Variants in ZNF675 observed in about 807,000 individuals in gnomAD.
ZNF675 encodes zinc finger protein 675.
ZNF675 carries 36 observed loss-of-function variants against 56.1 expected under a neutral mutation model. The observed-to-expected ratio is 0.64, with a 90% confidence interval of 0.49 to 0.85. The LOEUF is 0.85. Ranked by LOEUF, ZNF675 falls within the 40% of genes least tolerant of loss-of-function variation. ZNF675 has a pLI of 0.00. For synonymous variants in ZNF675, 200 were observed against 218.9 expected (o/e 0.91, Z 0.76); for missense variants, 663 against 654.2 (o/e 1.01, Z -0.15).
At chr19:23,668,602 G>C (rs1968186949) in intron 1 of ZNF675, among the ~76,000 whole-genome samples, 1 of 152,222 alleles carries the variant, frequency 6.6e-6, no homozygotes, top group African/African-American at 2.4e-5. Flanking sequence ...GGGAGGATAG[G>C]GCTGCACAGG....
At chr19:23,655,658 A>G (rs894928300) in intron 3 of ZNF675, 2 of 152,158 alleles carry the variant, frequency 1.3e-5, no homozygotes, top group African/African-American at 4.8e-5. Flanking sequence ...TGATGATTAC[A>G]TTGCAATATG....
At position 23,684,644 on chromosome 19, in the gene ZNF675, C is replaced by CA. The variant is rs35113707; in HGVS notation, c.3+2386dup. 8.0e-4 allele frequency among the ~76,000 whole-genome samples: 117 copies of CA among 145,630 alleles called. 5 individuals carry two copies. The highest frequency in any genetic ancestry group is 4.0e-4 in the East Asian group (2 of 4,968). On this transcript the variant is annotated intron_variant, in intron 1 of 3. Coordinates refer to ENST00000359788, the MANE Select transcript of ZNF675 (RefSeq NM_138330.3). ...GGGCAACAAGAGTGAAACCCCATCT[C>CA]AAAAAAAAAAGAAAACAGGTGTGTC...
chr19:23,660,588 A>G (rs535832179), intron 3 of ZNF675, among the ~76,000 whole-genome samples: 79 of 152,320 alleles, frequency 5.2e-4, no homozygotes, highest in African/African-American at 1.8e-3. Context: ...TAGAGAAAAA[A>G]ACTTATTTAC....
intron 1 of ZNF675, among the ~76,000 whole-genome samples, chr19:23,666,822 CA>C (rs1218910679): frequency 6.6e-6 from 1 of 151,482 alleles, no homozygotes; most frequent in Non-Finnish European, 1.5e-5. Flanking sequence ...CCCCCCAACC[CA>C]GGGCCACTTT....
At chr19:23,656,793 CAT>C (rs1441180992) in intron 3 of ZNF675, 7 of 151,744 alleles carry the variant, frequency 4.6e-5, no homozygotes, top group East Asian at 1.9e-4. Context: ...TAGTCACACT[CAT>C]AGAAAGTGCA....
chr19:23,653,770 T>C lies in ZNF675; in HGVS notation c.1163A>G (p.Lys388Arg). The C allele has an allele frequency of 1.9e-6, 3 of 1,613,824 alleles. No homozygotes were observed. Among genetic ancestry groups the C allele is most frequent in the Non-Finnish European group, 2.5e-6 (3 of 1,179,922 alleles). Reference sequence around the variant, plus strand: ...GTAGGGTTTCTCTTCGGTATGAATTTTCCTATGTTCCGTAAGATTTGAGGA... The same window carrying C: ...GTAGGGTTTCTCTTCGGTATGAATTCTCCTATGTTCCGTAAGATTTGAGGA... ...NRSSNLTEHRKIHTEEKPYKC... is the reference protein window; with the variant it reads ...NRSSNLTEHRRIHTEEKPYKC... The change falls in exon 4 of 4, where the codon AAA becomes AGA. Residue 388 changes from lysine to arginine, a missense_variant. By Grantham distance (26) the Lys-to-Arg change is conservative. Coordinates refer to ENST00000359788, the MANE Select transcript of ZNF675 (RefSeq NM_138330.3).
At chr19:23,675,115 G>A (rs1401943585) in intron 1 of ZNF675, among the ~76,000 whole-genome samples, 1 of 151,720 alleles carries the variant, frequency 6.6e-6, no homozygotes, top group Non-Finnish European at 1.5e-5. Context: ...AGTAGCATTG[G>A]GCACACAGTA....
At position 23,672,487 on chromosome 19, in the gene ZNF675, T is replaced by G. The variant is rs73926540; in HGVS notation, c.4-9329A>C. Among the ~76,000 whole-genome samples the G allele has an allele frequency of 7.2e-3, 1,096 of 152,328 alleles. 16 individuals are homozygous for G. The highest frequency in any genetic ancestry group is 0.025 in the African/African-American group (1,027 of 41,562). On this transcript the variant is annotated intron_variant, in intron 1 of 3. Coordinates refer to ENST00000359788, the MANE Select transcript of ZNF675 (RefSeq NM_138330.3). ...TCAAAAAGGGGTTTTAATATTTCCA[T>G]GTTGACATCTCACAATGCAGAAAAT...
At chr19:23,681,266 T>A (rs1364982542) in intron 1 of ZNF675, among the ~76,000 whole-genome samples, 1 of 151,582 alleles carries the variant, frequency 6.6e-6, no homozygotes, top group Non-Finnish European at 1.5e-5. Context: ...GGATAAACAA[T>A]GCTGTTGTGA....
intron 3 of ZNF675, among the ~76,000 whole-genome samples, chr19:23,661,378 T>A (rs1968075680): frequency 1.6e-5 from 2 of 124,090 alleles, no homozygotes; most frequent in African/African-American, 6.1e-5. Flanking sequence ...TACAAACAAG[T>A]AAAATGTGTA....
intron 1 of ZNF675, among the ~76,000 whole-genome samples, chr19:23,672,904 CTTGT>C (rs1435680768): frequency 2.5e-4 from 38 of 152,282 alleles, no homozygotes; most frequent in Admixed American, 1.3e-4. Flanking sequence ...CTGGTACAAA[CTTGT>C]TTGTCAGAAA....
At chr19:23,659,324 A>C (rs540333857) in intron 3 of ZNF675, among the ~76,000 whole-genome samples, 3 of 152,264 alleles carry the variant, frequency 2.0e-5, no homozygotes, top group Non-Finnish European at 4.4e-5. Context: ...AGCAGGAGTG[A>C]AATTGGTAAG....
chr19:23,654,207 G>T lies in ZNF675; in HGVS notation c.726C>A (p.Asn242Lys). 1.3e-5 allele frequency: 21 copies of T among 1,614,000 alleles called. No homozygotes were observed. Among genetic ancestry groups the T allele is most frequent in the Non-Finnish European group, 1.8e-5 (21 of 1,179,958 alleles). The change falls in exon 4 of 4, where the codon AAC becomes AAA. Residue 242 changes from asparagine to lysine, a missense_variant. Physicochemically the swap from Asn to Lys is moderately conservative, Grantham distance 94. Around this residue, in one of 3 missense-constraint regions of ZNF675, gnomAD observed 617 missense variants for 590.5 expected, o/e 1.04. Coordinates refer to ENST00000359788, the MANE Select transcript of ZNF675 (RefSeq NM_138330.3). ...ECDRTFNQFS[N>K]LTEYKKDYAR... ...CATAATCTTTTTTATATTCAGTAAG[G>T]TTTGAGAATTGGTTAAAAGTTCTGT...
Position 23,663,140 on chromosome 19 carries a change from C to G in ZNF675, c.22G>C (p.Asp8His). The G allele has an allele frequency of 6.2e-7, 1 of 1,609,530 alleles. No homozygotes were observed. Among genetic ancestry groups the G allele is most frequent in the Middle Eastern group, 1.7e-4 (1 of 6,050 alleles). Residue 8 changes from aspartate (D) to histidine (H), a missense_variant, in exon 2 of 4, where the codon GAT becomes CAT. By Grantham distance (81) the Asp-to-His change is moderately conservative. This residue lies in a region of ZNF675 where 33 missense variants were observed against 31.8 expected (regional missense o/e 1.04). Transcript: ENST00000359788. The stretch of plus-strand genomic sequence containing the variant: ...TCCAGAGAGAATTCTATGGCCACAT[C>G]CCTAAATGTCAACAGTCCCTGAAAA... The part of the protein sequence containing the change: MGLLTFR[D>H]VAIEFSLEEW...
intron 1 of ZNF675, among the ~76,000 whole-genome samples, chr19:23,666,755 C>G (rs1968155384): frequency 6.8e-6 from 1 of 147,552 alleles, no homozygotes; most frequent in Non-Finnish European, 1.5e-5. Context: ...CTTTTACATA[C>G]AGGGAAGTCT....
intron 2 of ZNF675, among the ~76,000 whole-genome samples, chr19:23,662,537 G>A (rs1242327909): frequency 1.3e-5 from 2 of 152,186 alleles, no homozygotes; most frequent in Non-Finnish European, 2.9e-5. Context: ...TTCAGATCAA[G>A]ATGAAACATA....
At chr19:23,667,233 G>T (rs977943558) in intron 1 of ZNF675, among the ~76,000 whole-genome samples, 1 of 152,054 alleles carries the variant, frequency 6.6e-6, no homozygotes, top group African/African-American at 2.4e-5. Context: ...ACTGGCTTCA[G>T]GAGTGAAGCT....
At chr19:23,658,055 T>A (rs1007196502) in intron 3 of ZNF675, among the ~76,000 whole-genome samples, 4 of 152,112 alleles carry the variant, frequency 2.6e-5, no homozygotes, top group African/African-American at 7.2e-5. Context: ...GCAACACTGA[T>A]GTACCATTAA....
intron 1 of ZNF675, 63 bp from the exon 2 acceptor site, chr19:23,663,221 A>G (rs757355026): frequency 1.9e-6 from 3 of 1,557,060 alleles, no homozygotes; most frequent in Non-Finnish European, 1.7e-6. Flanking sequence ...AATTTGACTC[A>G]AGGTAAAATG....
Sources: gnomAD v4.1 joint callset for allele counts (sites outside exome capture counted in the v4.1 genomes callset) on GRCh38, gnomAD v4.1.1 for gene constraint, gnomAD v4.1.1 regional missense constraint, MANE v1.5 for transcripts, NCBI Gene and HGNC (gene_info 2026-07-23, HGNC 2026-07-21) for gene names.